The following MAMDC2 variants were observed in gnomAD, a reference collection of about 807,000 sequenced individuals.
MAMDC2 encodes the protein MAM domain-containing protein 2.
In MAMDC2, 57 loss-of-function variants were observed where a neutral mutation model predicts 89.8. That is an observed-to-expected ratio of 0.63 (90% CI 0.51 to 0.79). MAMDC2 has a LOEUF of 0.79. Ranked by LOEUF, MAMDC2 falls within the 30% of genes least tolerant of loss-of-function variation. MAMDC2 has a pLI of 0.00. For missense variants in MAMDC2, 800 were observed against 820.6 expected (o/e 0.97, Z 0.31); for synonymous variants, 313 against 293.4 (o/e 1.07, Z -0.68).
intron 4 of MAMDC2, among the ~76,000 whole-genome samples, chr9:70,110,252 T>G (rs1828471394): frequency 6.6e-6 from 1 of 152,218 alleles, no homozygotes; most frequent in Admixed American, 6.5e-5. Context: ...CAGAGTTGGT[T>G]GGCTGTCTCT....
chr9:70,044,165 C>T lies in MAMDC2; in HGVS notation c.-33C>T. Reference sequence around the variant, plus strand: ...AGTCCCAGCGGGCTGGCAACTTGCACCCCTTCCTAGTCATCCTCCCTGAAA... The same window carrying T: ...AGTCCCAGCGGGCTGGCAACTTGCATCCCTTCCTAGTCATCCTCCCTGAAA... On this transcript the variant is annotated 5_prime_UTR_variant, in exon 1 of 14. Transcript: ENST00000377182. 1.9e-6 allele frequency: 3 copies of T among 1,613,480 alleles called. No individual in the cohort carries two copies. Among genetic ancestry groups the T allele is most frequent in the Non-Finnish European group, 2.5e-6 (3 of 1,179,852 alleles).
chr9:70,213,622 C>T (rs1272841014), intron 11 of MAMDC2, among the ~76,000 whole-genome samples: 1 of 152,024 alleles, frequency 6.6e-6, no homozygotes, highest in Non-Finnish European at 1.5e-5. Flanking sequence ...TTACATTGAC[C>T]TAAGTTAGAA....
chr9:70,044,994 C>A (rs950196670), intron 2 of MAMDC2, among the ~76,000 whole-genome samples: 1 of 152,184 alleles, frequency 6.6e-6, no homozygotes, highest in African/African-American at 2.4e-5. Context: ...GATTGTTCTC[C>A]GCTGTGGGCC....
rs182489469 is a variant in MAMDC2, at chr9:70,146,520, A to G, written c.1404+2701A>G. Among the ~76,000 whole-genome samples the G allele has an allele frequency of 8.8e-4, 134 of 152,336 alleles. 3 individuals are homozygous for G. Among genetic ancestry groups the G allele is most frequent in the African/African-American group, 3.1e-3 (129 of 41,580 alleles). ...GCATGCATTGGGTAAGCAGGAAACT[A>G]AAGTTCACTTACTTATATAACATAT... On this transcript the variant is annotated intron_variant, in intron 9 of 13. Transcript: ENST00000377182.
At chr9:70,062,760 G>A (rs1417451707) in intron 2 of MAMDC2, 1 of 152,160 alleles carries the variant, frequency 6.6e-6, no homozygotes, top group East Asian at 1.9e-4. Context: ...TGAAGAGAAG[G>A]AGCTATTTCC....
At chr9:70,144,269 T>G (rs1473800083) in intron 9 of MAMDC2, among the ~76,000 whole-genome samples, 1 of 152,170 alleles carries the variant, frequency 6.6e-6, no homozygotes, top group Non-Finnish European at 1.5e-5. Context: ...GTTAACAACC[T>G]AAGGCTCTAG....
chr9:70,168,623 T>G (rs1563984074), intron 9 of MAMDC2, 79 bp from the exon 10 acceptor site: 1 of 1,133,804 alleles, frequency 8.8e-7, no homozygotes, highest in Non-Finnish European at 1.3e-6. Flanking sequence ...TCGCCTGCTG[T>G]GCTAAGTGAA....
chr9:70,217,308 G>C, intron 11 of MAMDC2: 1 of 1,372,360 alleles, frequency 7.3e-7, no homozygotes, highest in African/African-American at 1.4e-5. Context: ...AATGCGAGTC[G>C]GCATTCCTTT....
chr9:70,172,339 C>T (rs1367790342), intron 11 of MAMDC2, among the ~76,000 whole-genome samples: 1 of 152,114 alleles, frequency 6.6e-6, no homozygotes, highest in Non-Finnish European at 1.5e-5. Context: ...ACTTTTTAAT[C>T]AGGGAAGGTG....
chr9:70,139,658 T>C (rs1022795723), intron 7 of MAMDC2, among the ~76,000 whole-genome samples: 1 of 152,112 alleles, frequency 6.6e-6, no homozygotes, highest in Non-Finnish European at 1.5e-5. Flanking sequence ...GCTGAGTCAA[T>C]TGGTAATTCT....
chr9:70,166,957 C>T (rs2032195203), intron 9 of MAMDC2, among the ~76,000 whole-genome samples: 1 of 152,156 alleles, frequency 6.6e-6, no homozygotes. Context: ...AATATTCCTT[C>T]CCATATAACA....
At chr9:70,064,612 A>G (rs1827223470) in intron 2 of MAMDC2, among the ~76,000 whole-genome samples, 1 of 152,152 alleles carries the variant, frequency 6.6e-6, no homozygotes, top group South Asian at 2.1e-4. Flanking sequence ...TTTGTAATCC[A>G]TCTTTAGGAA....
intron 11 of MAMDC2, among the ~76,000 whole-genome samples, chr9:70,171,648 TA>T (rs1412334820): frequency 6.6e-6 from 1 of 152,196 alleles, no homozygotes. Context: ...CTCATAGAGA[TA>T]TTTCCTCATG....
chr9:70,224,953 T>A (rs2033620565), intron 12 of MAMDC2, among the ~76,000 whole-genome samples: 1 of 151,864 alleles, frequency 6.6e-6, no homozygotes, highest in Admixed American at 6.6e-5. Flanking sequence ...AAATTTAAGG[T>A]CTTTCTTTTT....
At chr9:70,094,617 A>G (rs1433286290) in intron 2 of MAMDC2, among the ~76,000 whole-genome samples, 2 of 152,232 alleles carry the variant, frequency 1.3e-5, no homozygotes, top group Non-Finnish European at 2.9e-5. Context: ...GGAGATTTCC[A>G]TAATAAAAAA....
intron 2 of MAMDC2, among the ~76,000 whole-genome samples, chr9:70,101,010 G>T (rs1049011349): frequency 1.3e-5 from 2 of 152,134 alleles, no homozygotes; most frequent in Non-Finnish European, 2.9e-5. Flanking sequence ...TTTGATCAAC[G>T]ATGGGCATAT....
intron 9 of MAMDC2, among the ~76,000 whole-genome samples, chr9:70,162,102 C>T (rs533510871): frequency 6.6e-6 from 1 of 152,100 alleles, no homozygotes; most frequent in South Asian, 2.1e-4. Context: ...TAATTATAGG[C>T]CTAAATGGGG....
At chr9:70,100,006 GAGAGA>G (rs1828133662) in intron 2 of MAMDC2, among the ~76,000 whole-genome samples, 1 of 133,442 alleles carries the variant, frequency 7.5e-6, no homozygotes, top group African/African-American at 3.9e-5. Flanking sequence ...GAGAGAGAGA[GAGAGA>G]GAGAGAGAGA....
intron 2 of MAMDC2, among the ~76,000 whole-genome samples, chr9:70,095,950 C>T (rs1828017316): frequency 6.6e-6 from 1 of 152,116 alleles, no homozygotes; most frequent in Admixed American, 6.5e-5. Context: ...CTAGGATGAA[C>T]AACACTGTCA....
Sources: gnomAD v4.1 joint callset for allele counts (sites outside exome capture counted in the v4.1 genomes callset) on GRCh38, gnomAD v4.1.1 for gene constraint, MANE v1.5 for transcripts, NCBI Gene and HGNC (gene_info 2026-07-23, HGNC 2026-07-21) for gene names.